The following COL25A1 variants were observed in gnomAD, a reference collection of about 807,000 sequenced individuals.
COL25A1 encodes the protein collagen alpha-1(XXV) chain.
A neutral mutation model predicts 128.4 loss-of-function variants in COL25A1; 103 were observed. That is an observed-to-expected ratio of 0.80 (90% CI 0.68 to 0.94). The LOEUF (loss-of-function observed/expected upper bound fraction) is 0.94, where lower values mean the gene tolerates loss of function less well. COL25A1 is among the 40% of genes least tolerant of loss of function. The probability of loss-of-function intolerance (pLI) is 0.00; values close to 1 mark genes in which losing one functional copy is unlikely to be tolerated. For synonymous variants in COL25A1, 279 were observed against 277.2 expected (o/e 1.01, Z -0.06); for missense variants, 745 against 840.0 (o/e 0.89, Z 1.40).
chr4:108,981,039 TACTC>T (rs1293687492), intron 6 of COL25A1, among the ~76,000 whole-genome samples: 2 of 152,228 alleles, frequency 1.3e-5, no homozygotes, highest in Admixed American at 6.5e-5. Flanking sequence ...ATGACACACA[TACTC>T]AATCCCCACA....
chr4:109,298,651 A>G (rs1452878489), intron 3 of COL25A1, among the ~76,000 whole-genome samples: 1 of 152,180 alleles, frequency 6.6e-6, no homozygotes, highest in Admixed American at 6.5e-5. Context: ...TTTCCCCAAG[A>G]TATTATTTTC....
At chr4:109,013,879 C>G (rs1211526640) in intron 5 of COL25A1, among the ~76,000 whole-genome samples, 1 of 152,156 alleles carries the variant, frequency 6.6e-6, no homozygotes, top group Non-Finnish European at 1.5e-5. Context: ...TCAGTGAGAC[C>G]AAGAGCCCAC....
intron 3 of COL25A1, among the ~76,000 whole-genome samples, chr4:109,212,652 T>C (rs543093586): frequency 6.6e-6 from 1 of 152,144 alleles, no homozygotes; most frequent in Admixed American, 6.5e-5. Flanking sequence ...CAAATGACTG[T>C]GGAGGAAAGT....
chr4:109,186,234 T>C (rs904776087), intron 3 of COL25A1, among the ~76,000 whole-genome samples: 2 of 152,218 alleles, frequency 1.3e-5, no homozygotes, highest in Admixed American at 6.6e-5. Flanking sequence ...GACTCTCTTC[T>C]TGGTAAATTG....
intron 6 of COL25A1, among the ~76,000 whole-genome samples, chr4:108,979,179 C>T (rs1302641568): frequency 2.0e-5 from 3 of 152,268 alleles, no homozygotes; most frequent in African/African-American, 7.2e-5. Context: ...CAAGAACCAC[C>T]CTTCTATTTG....
Position 109,269,396 on chromosome 4 carries a change from T to G in COL25A1, c.367+31187A>C, listed in dbSNP as rs530118858. Among the ~76,000 whole-genome samples the G allele has an allele frequency of 1.3e-4, 19 of 146,130 alleles. No homozygotes were observed. The East Asian group carries it at 3.8e-3, about 29-fold the overall frequency. On this transcript the variant is annotated intron_variant, in intron 3 of 37. Coordinates refer to ENST00000399132, the MANE Select transcript of COL25A1 (RefSeq NM_198721.4). ...TGAATAATGCCGCAATAAACATACG[T>G]GTGCATGTGTCTTTATAGCAGCATG...
chr4:109,096,080 C>T (rs915074197), intron 3 of COL25A1, among the ~76,000 whole-genome samples: 1 of 152,178 alleles, frequency 6.6e-6, no homozygotes, highest in Non-Finnish European at 1.5e-5. Flanking sequence ...GGGTTGGCGA[C>T]ATGAGAGCCA....
chr4:109,152,942 T>C (rs1346334887), intron 3 of COL25A1, among the ~76,000 whole-genome samples: 2 of 151,972 alleles, frequency 1.3e-5, no homozygotes, highest in Admixed American at 1.3e-4. Context: ...GACGCAAAAA[T>C]TCTGGAGATG....
At chr4:108,852,047 C>T (rs1021453273) in intron 26 of COL25A1, among the ~76,000 whole-genome samples, 189 bp downstream of exon 26, 3 of 151,730 alleles carry the variant, frequency 2.0e-5, no homozygotes, top group Admixed American at 6.6e-5. Flanking sequence ...CCTATTTTCC[C>T]TTCTTCTTTT....
intron 3 of COL25A1, among the ~76,000 whole-genome samples, chr4:109,082,199 A>T (rs1206419681): frequency 6.6e-6 from 1 of 152,190 alleles, no homozygotes; most frequent in African/African-American, 2.4e-5. Context: ...TTCTTCATCC[A>T]TTCATCAGCT....
At chr4:109,205,368 C>G (rs559798495) in intron 3 of COL25A1, among the ~76,000 whole-genome samples, 1 of 152,250 alleles carries the variant, frequency 6.6e-6, no homozygotes, top group East Asian at 1.9e-4. Flanking sequence ...CTAAAGACTA[C>G]GTTTCCCAGC....
At chr4:109,055,616 C>A (rs989356886) in intron 3 of COL25A1, among the ~76,000 whole-genome samples, 2 of 152,108 alleles carry the variant, frequency 1.3e-5, no homozygotes, top group African/African-American at 4.8e-5. Flanking sequence ...TTGTATTTTT[C>A]GAACATCGCT....
chr4:109,118,549 G>C (rs1290160210), intron 3 of COL25A1, among the ~76,000 whole-genome samples: 1 of 151,762 alleles, frequency 6.6e-6, no homozygotes, highest in Non-Finnish European at 1.5e-5. Context: ...TGTACCACGG[G>C]AACACTAATC....
intron 32 of COL25A1, among the ~76,000 whole-genome samples, chr4:108,831,045 C>T (rs1013066430): frequency 8.5e-5 from 13 of 152,196 alleles, no homozygotes; most frequent in African/African-American, 3.1e-4. Flanking sequence ...CAATCTTCAT[C>T]ACTGTACAGC....
chr4:108,977,623 A>C (rs1446565734), intron 6 of COL25A1, among the ~76,000 whole-genome samples: 1 of 152,184 alleles, frequency 6.6e-6, no homozygotes, highest in East Asian at 1.9e-4. Context: ...ATGTTAGTTA[A>C]CTTTATTTCG....
intron 3 of COL25A1, among the ~76,000 whole-genome samples, chr4:109,064,303 C>A (rs1419956004): frequency 6.6e-6 from 1 of 152,154 alleles, no homozygotes; most frequent in East Asian, 1.9e-4. Flanking sequence ...TATGCACAGA[C>A]CTTTACAATT....
intron 3 of COL25A1, among the ~76,000 whole-genome samples, chr4:109,283,041 A>G (rs771160791): frequency 1.3e-5 from 2 of 152,228 alleles, no homozygotes; most frequent in Admixed American, 6.5e-5. Flanking sequence ...TTCTTAATGA[A>G]CATAAGAACA....
At chr4:108,940,462 A>T in intron 10 of COL25A1, 77 bp downstream of exon 10, 1 of 1,219,604 alleles carries the variant, frequency 8.2e-7, no homozygotes, top group Non-Finnish European at 1.2e-6. Flanking sequence ...GCCCCTCACC[A>T]CCCTACTCCA....
At chr4:108,822,043 A>ATTTT (rs10567518) in intron 35 of COL25A1, among the ~76,000 whole-genome samples, 4 of 89,994 alleles carry the variant, frequency 4.4e-5, no homozygotes, top group Admixed American at 1.4e-4. Context: ...CCTAATGGTA[A>ATTTT]TTTTTTTTTT....
Sources: gnomAD v4.1 joint callset for allele counts (sites outside exome capture counted in the v4.1 genomes callset) on GRCh38, gnomAD v4.1.1 for gene constraint, MANE v1.5 for transcripts, NCBI Gene and HGNC (gene_info 2026-07-23, HGNC 2026-07-21) for gene names.